Variants in PTBP3 observed in about 807,000 individuals in gnomAD.
PTBP3 encodes the protein polypyrimidine tract-binding protein 3.
PTBP3 carries 20 observed loss-of-function variants against 58.7 expected under a neutral mutation model. That is an observed-to-expected ratio of 0.34 (90% confidence interval 0.24 to 0.50). The LOEUF (loss-of-function observed/expected upper bound fraction) is 0.50, where lower values mean the gene tolerates loss of function less well. Among genes scored for constraint, PTBP3 ranks in the 20% least tolerant of loss-of-function variants. The pLI is 0.98. For synonymous variants in PTBP3, 185 were observed against 219.8 expected, an observed-to-expected ratio of 0.84 and a Z score of 1.40; for missense variants, 509 against 637.2, an observed-to-expected ratio of 0.80 and a Z score of 2.17.
In PTBP3 at chr9:112,218,690, A is replaced by G. The variant is rs1171232203; in HGVS notation, c.*5161T>C. ...AACAATCACAGACTCCTTTTTTTCCAATGCCACAGACTGTTACAAATGAAA... is the reference window on the plus strand; with the variant it reads ...AACAATCACAGACTCCTTTTTTTCCGATGCCACAGACTGTTACAAATGAAA... On this transcript the variant is annotated 3_prime_UTR_variant, in exon 14 of 14. Coordinates refer to ENST00000374257, the MANE Select transcript of PTBP3 (RefSeq NM_001163788.4). 2 of 152,604 alleles carry G rather than the reference A, an allele frequency of 1.3e-5. No individual in the cohort carries two copies. The highest frequency in any genetic ancestry group is 2.9e-5 in the Non-Finnish European group (2 of 68,016). The allele number at this position is 152,604 out of a possible 1,614,324, so 9.5% of individuals were successfully genotyped here.
rs1269388784 is a variant in PTBP3, at chr9:112,222,783, A to T, written c.*1068T>A. 2.1e-6 allele frequency: 2 copies of T among 935,934 alleles called. No homozygotes were observed. The highest frequency in any genetic ancestry group is 2.5e-6 in the Non-Finnish European group (2 of 784,596). The allele number at this position is 935,934 out of a possible 1,614,324, so 58.0% of individuals were successfully genotyped here. ...ATTAAACTCTAACCTATTGTATCTT[A>T]AGCACATAATAAGGCACATAATAAG... On this transcript the variant is annotated 3_prime_UTR_variant, in exon 14 of 14. Coordinates refer to ENST00000374257, the MANE Select transcript of PTBP3 (RefSeq NM_001163788.4).
chr9:112,316,566 G>A (rs1243933861), intron 1 of PTBP3, among the ~76,000 whole-genome samples: 2 of 152,130 alleles, frequency 1.3e-5, no homozygotes, highest in East Asian at 1.9e-4. Flanking sequence ...AGTAACCCAC[G>A]CCCAGATTCC....
At chr9:112,278,744 G>A (rs985023000) in intron 2 of PTBP3, among the ~76,000 whole-genome samples, 4 of 152,196 alleles carry the variant, frequency 2.6e-5, no homozygotes, top group African/African-American at 9.6e-5. Context: ...CCTGTTCTGA[G>A]CAAGTTATTT....
chr9:112,273,583 T>C (rs1325397987), intron 3 of PTBP3, among the ~76,000 whole-genome samples: 2 of 152,228 alleles, frequency 1.3e-5, no homozygotes, highest in Non-Finnish European at 2.9e-5. Flanking sequence ...CCTTTAAGTA[T>C]ACAGAACCGA....
chr9:112,255,615 T>C (rs1327387838), intron 5 of PTBP3, among the ~76,000 whole-genome samples: 1 of 152,192 alleles, frequency 6.6e-6, no homozygotes, highest in Middle Eastern at 3.2e-3. Context: ...CTACCTCCCC[T>C]TTATATACAG....
the PTBP3 span, among the ~76,000 whole-genome samples, chr9:112,373,292 A>C: frequency 3.9e-5 from 6 of 152,262 alleles, no homozygotes; most frequent in South Asian, 1.2e-3. Context: ...TGAGCCCCAA[A>C]ACTGAAAAAC....
chr9:112,236,363 TGA>T lies in PTBP3; in HGVS notation c.803-1468_803-1467del, dbSNP rs201767954. On this transcript the variant is annotated intron_variant, in intron 7 of 13. Coordinates refer to ENST00000374257, the MANE Select transcript of PTBP3 (RefSeq NM_001163788.4). ...GCATATCATGAGCTAAGCATTCTAG[TGA>T]GGAGTCTGAACAAAGCAGACAAGAT... 9.5e-4 allele frequency among the ~76,000 whole-genome samples: 145 copies of T among 152,138 alleles called. 1 individual carries two copies. The highest frequency in any genetic ancestry group is 3.3e-3 in the African/African-American group (137 of 41,492).
intron 7 of PTBP3, among the ~76,000 whole-genome samples, chr9:112,246,698 A>C (rs1835892274): frequency 6.6e-6 from 1 of 151,074 alleles, no homozygotes. Context: ...GTCTCAAAAA[A>C]AAAAAAAGAA....
At chr9:112,282,218 C>A (rs1388674258) in intron 2 of PTBP3, among the ~76,000 whole-genome samples, 1 of 152,152 alleles carries the variant, frequency 6.6e-6, no homozygotes, top group Admixed American at 6.5e-5. Context: ...TAATAATACC[C>A]TTTTAATGAC....
intron 10 of PTBP3, among the ~76,000 whole-genome samples, chr9:112,228,701 C>T (rs1835088346): frequency 6.6e-6 from 1 of 152,210 alleles, no homozygotes; most frequent in African/African-American, 2.4e-5. Context: ...AATGATTCAT[C>T]CCCCCTTTCC....
intron 4 of PTBP3, among the ~76,000 whole-genome samples, chr9:112,267,524 T>C (rs1827148048): frequency 6.6e-6 from 1 of 152,216 alleles, no homozygotes; most frequent in Non-Finnish European, 1.5e-5. Context: ...ATACTATTTT[T>C]AACCACTTAA....
intron 10 of PTBP3, among the ~76,000 whole-genome samples, chr9:112,229,381 T>A (rs1189353182): frequency 6.6e-6 from 1 of 151,894 alleles, no homozygotes; most frequent in Non-Finnish European, 1.5e-5. Context: ...CTGGCCAACA[T>A]GGGGAAACCC....
chr9:112,298,531 G>T (rs769386749), intron 1 of PTBP3: 2 of 508,546 alleles, frequency 3.9e-6, no homozygotes, highest in South Asian at 2.9e-5. Context: ...TGTAATGTAA[G>T]ATCTACCACC....
chr9:112,341,626 T>C, the PTBP3 span, among the ~76,000 whole-genome samples: 1 of 152,198 alleles, frequency 6.6e-6, no homozygotes, highest in African/African-American at 2.4e-5. Flanking sequence ...CTGTGCGTTA[T>C]TGATTTTTTT....
rs1177612408 is a variant in PTBP3, at chr9:112,222,104, G to C, written c.*1747C>G. On this transcript the variant is annotated 3_prime_UTR_variant, in exon 14 of 14. Coordinates refer to ENST00000374257, the MANE Select transcript of PTBP3 (RefSeq NM_001163788.4). ...AGGCGCACACCACCATGCCCAGCAA[G>C]ATATTCTTTATTCTTTTAAAAGTTG... 2.0e-6 allele frequency: 2 copies of C among 985,148 alleles called. No individual in the cohort carries two copies. Among genetic ancestry groups the C allele is most frequent in the African/African-American group, 3.5e-5 (2 of 57,230 alleles). 61.0% of individuals were successfully genotyped at this position (985,148 alleles called of 1,614,324 possible). A position where few individuals can be genotyped will look rare whatever the true frequency, so the allele number is the denominator to read the frequency against.
intron 1 of PTBP3, among the ~76,000 whole-genome samples, chr9:112,313,785 G>C (rs1198640650): frequency 6.6e-6 from 1 of 152,174 alleles, no homozygotes; most frequent in Non-Finnish European, 1.5e-5. Flanking sequence ...CTCGCCATTT[G>C]TTGTCTTTGG....
At chr9:112,267,208 C>T (rs1266949795) in intron 4 of PTBP3, among the ~76,000 whole-genome samples, 1 of 151,504 alleles carries the variant, frequency 6.6e-6, no homozygotes, top group East Asian at 1.9e-4. Context: ...CGCTCTCACC[C>T]AGGCTGGAGT....
At chr9:112,305,911 G>C (rs1829179737) in intron 1 of PTBP3, among the ~76,000 whole-genome samples, 1 of 152,104 alleles carries the variant, frequency 6.6e-6, no homozygotes, top group Non-Finnish European at 1.5e-5. Context: ...CTGCACTCCA[G>C]CCTGGGCGAC....
intron 7 of PTBP3, among the ~76,000 whole-genome samples, chr9:112,244,289 C>CCAAAAAAAAAAAAA (rs569972379): frequency 2.8e-5 from 1 of 36,318 alleles, no homozygotes; most frequent in African/African-American, 1.1e-4. Context: ...GACTCTGTCT[C>CCAAAAAAAAAAAAA]AAAAAAAAAA....
Sources: gnomAD v4.1 joint callset for allele counts (sites outside exome capture counted in the v4.1 genomes callset) on GRCh38, gnomAD v4.1.1 for gene constraint, MANE v1.5 for transcripts, NCBI Gene and HGNC (gene_info 2026-07-23, HGNC 2026-07-21) for gene names.